The following EML6 variants were observed in gnomAD, a reference collection of about 807,000 sequenced individuals.
EML6 encodes echinoderm microtubule-associated protein-like 6.
In EML6, 154 loss-of-function variants were observed where a neutral mutation model predicts 240.1. That is an observed-to-expected ratio of 0.64 (90% CI 0.56 to 0.73). The LOEUF (loss-of-function observed/expected upper bound fraction) is 0.73. Among genes scored for constraint, EML6 ranks in the 30% least tolerant of loss-of-function variants. The pLI is 0.00. For synonymous variants in EML6, 1,148 were observed against 899.0 expected, an observed-to-expected ratio of 1.28 and a Z score of -4.95; for missense variants, 2,964 against 2,474.6, an observed-to-expected ratio of 1.20 and a Z score of -4.20.
chr2:54,789,286 G>T (rs1351308765), intron 2 of EML6, among the ~76,000 whole-genome samples: 1 of 152,006 alleles, frequency 6.6e-6, no homozygotes, highest in African/African-American at 2.4e-5. Flanking sequence ...GGCCAAGGCG[G>T]GCGGATCACG....
At chr2:54,729,875 A>C (rs538533687) in intron 2 of EML6, among the ~76,000 whole-genome samples, 1 of 152,350 alleles carries the variant, frequency 6.6e-6, no homozygotes, top group African/African-American at 2.4e-5. Flanking sequence ...CAGCTCGGCC[A>C]GGCTAATCCC....
chr2:54,853,730 T>C lies in EML6; in HGVS notation c.1532T>C (p.Ile511Thr). Residue 511 changes from isoleucine to threonine, a missense_variant, in exon 11 of 42, where the codon ATT becomes ACT. By Grantham distance (89) the Ile-to-Thr change is moderately conservative. Coordinates refer to ENST00000356458, the MANE Select transcript of EML6 (RefSeq NM_001039753.4). ...TCVKGPEVSGIWPKYTEVTDI... is the reference protein window; with the variant it reads ...TCVKGPEVSGTWPKYTEVTDI... ...GTGAAAGGCCCTGAAGTGAGTGGAA[T>C]TTGGCCCAAATACACTGAGGTTACT... The C allele has an allele frequency of 1.3e-6, 2 of 1,551,620 alleles. No individual in the cohort carries two copies. Among genetic ancestry groups the C allele is most frequent in the South Asian group, 2.4e-5 (2 of 84,062 alleles).
intron 13 of EML6, 22 bp from the exon 14 acceptor site, chr2:54,866,744 G>T (rs1222428519): frequency 4.9e-6 from 7 of 1,438,532 alleles, no homozygotes; most frequent in Non-Finnish European, 6.7e-6. Flanking sequence ...ATCTCACCCA[G>T]ATGTTTCTGT....
At chr2:54,778,904 G>GAA (rs56684272) in intron 2 of EML6, among the ~76,000 whole-genome samples, 5,182 of 128,824 alleles carry the variant, frequency 0.04, 437 homozygotes, top group African/African-American at 0.16. Context: ...AAAAAAAAAA[G>GAA]AAAGAAAGAA....
At chr2:54,837,356 A>C (rs1549839) in intron 7 of EML6, among the ~76,000 whole-genome samples, 5,385 of 152,108 alleles carry the variant, frequency 0.035, 290 homozygotes, top group African/African-American at 0.12. Context: ...CAAACTTTCT[A>C]TGCTGTTATT....
At chr2:54,742,626 G>T (rs1417054436) in intron 2 of EML6, among the ~76,000 whole-genome samples, 19 of 152,120 alleles carry the variant, frequency 1.2e-4, no homozygotes. Flanking sequence ...TTTATGTGGT[G>T]GAAAAAGCTA....
intron 34 of EML6, 39 bp from the exon 35 acceptor site, chr2:54,960,181 T>G: frequency 9.6e-5 from 136 of 1,419,180 alleles, no homozygotes; most frequent in Middle Eastern, 1.7e-4. Flanking sequence ...GGTCTTAGGA[T>G]GAGGGTTAAC....
intron 14 of EML6, 42 bp from the exon 15 acceptor site, chr2:54,869,138 CT>C (rs1458093081): frequency 2.2e-6 from 3 of 1,356,238 alleles, no homozygotes; most frequent in Non-Finnish European, 3.1e-6. Context: ...CATGCATTTG[CT>C]GTTTGTTCAA....
chr2:54,859,314 C>T (rs981055638), intron 11 of EML6, among the ~76,000 whole-genome samples: 11 of 152,180 alleles, frequency 7.2e-5, no homozygotes, highest in African/African-American at 2.7e-4. Flanking sequence ...TCTTTAGCCA[C>T]AGGGCTTAAA....
chr2:54,820,061 A>T (rs1572949684), intron 4 of EML6, among the ~76,000 whole-genome samples: 1 of 152,228 alleles, frequency 6.6e-6, no homozygotes, highest in South Asian at 2.1e-4. Flanking sequence ...AAGTGTTAGC[A>T]CTGTGGAGTG....
At chr2:54,948,766 G>A in intron 28 of EML6, 116 bp from the exon 29 acceptor site, 1 of 728,668 alleles carries the variant, frequency 1.4e-6, no homozygotes, top group African/African-American at 1.8e-5. Context: ...AAGTGGAGGG[G>A]CCTTTGAGGC....
chr2:54,797,167 A>AAAAAAAAAAAAAAAAAAAAAAAAC (rs1669839577), intron 2 of EML6, among the ~76,000 whole-genome samples: 31 of 113,988 alleles, frequency 2.7e-4, no homozygotes, highest in African/African-American at 5.4e-4. Context: ...TCCATCTCAA[A>AAAAAAAAAAAAAAAAAAAAAAAAC]AAAAAAAAAA....
intron 26 of EML6, among the ~76,000 whole-genome samples, chr2:54,920,176 T>G (rs541469565): frequency 6.6e-6 from 1 of 151,848 alleles, no homozygotes; most frequent in Non-Finnish European, 1.5e-5. Flanking sequence ...TAATAAAGAT[T>G]AGAACAGAAA....
intron 24 of EML6, among the ~76,000 whole-genome samples, chr2:54,906,484 G>T (rs867134196): frequency 6.6e-6 from 1 of 152,128 alleles, no homozygotes; most frequent in Non-Finnish European, 1.5e-5. Flanking sequence ...CCATAATCTT[G>T]CCCAAGGCCA....
chr2:54,963,174 C>T (rs1199994127), intron 36 of EML6, among the ~76,000 whole-genome samples: 2 of 152,136 alleles, frequency 1.3e-5, no homozygotes, highest in Non-Finnish European at 2.9e-5. Context: ...TCCTCATGGC[C>T]TTATCCAGTG....
At chr2:54,965,210 G>A (rs1478300967) in intron 38 of EML6, among the ~76,000 whole-genome samples, 1 of 152,150 alleles carries the variant, frequency 6.6e-6, no homozygotes. Flanking sequence ...GGAGGGAGAG[G>A]GTTCCACTGC....
In EML6 at chr2:54,924,329, T is replaced by C. The variant is rs184269986; in HGVS notation, c.3676-3984T>C. Among the ~76,000 whole-genome samples, 5 of 152,286 alleles carry C rather than the reference T, an allele frequency of 3.3e-5. No homozygotes were observed. In the East Asian group the frequency reaches 9.7e-4, roughly 29 times the overall value. Reference sequence around the variant, plus strand: ...GTGCCATCCAGTTGTGTTTTCAGTTTACATTTCTCTGATGACTAAGGATGC... The same window carrying C: ...GTGCCATCCAGTTGTGTTTTCAGTTCACATTTCTCTGATGACTAAGGATGC... On this transcript the variant is annotated intron_variant, in intron 26 of 41. Coordinates refer to ENST00000356458, the MANE Select transcript of EML6 (RefSeq NM_001039753.4).
At chr2:54,951,849 A>G (rs1675998272) in intron 30 of EML6, among the ~76,000 whole-genome samples, 1 of 152,178 alleles carries the variant, frequency 6.6e-6, no homozygotes, top group South Asian at 2.1e-4. Flanking sequence ...CATTGTCTAT[A>G]TATTTTCTTC....
intron 2 of EML6, among the ~76,000 whole-genome samples, chr2:54,736,486 TC>T (rs1169074688): frequency 6.6e-6 from 1 of 152,206 alleles, no homozygotes; most frequent in Non-Finnish European, 1.5e-5. Context: ...CTAAGATCCT[TC>T]CAAAATCTCT....
Sources: gnomAD v4.1 joint callset for allele counts (sites outside exome capture counted in the v4.1 genomes callset) on GRCh38, gnomAD v4.1.1 for gene constraint, MANE v1.5 for transcripts, NCBI Gene and HGNC (gene_info 2026-07-23, HGNC 2026-07-21) for gene names.